The following FKBP1A variants were observed in gnomAD, a reference collection of about 807,000 sequenced individuals.
FKBP1A encodes the protein peptidyl-prolyl cis-trans isomerase FKBP1A.
FKBP1A carries 5 observed loss-of-function variants against 14.2 expected under a neutral mutation model. The ratio of observed to expected loss-of-function variants is 0.35; its 90% CI spans 0.18 to 0.74. The LOEUF (loss-of-function observed/expected upper bound fraction) is 0.74, where lower values mean the gene tolerates loss of function less well. Among genes scored for constraint, FKBP1A ranks in the 30% least tolerant of loss-of-function variants. FKBP1A has a pLI of 0.56. For synonymous variants in FKBP1A, 42 were observed against 49.1 expected, an observed-to-expected ratio of 0.86 and a Z score of 0.60; for missense variants, 53 against 138.8, an observed-to-expected ratio of 0.38 and a Z score of 3.10.
In FKBP1A at chr20:1,379,018, T is replaced by C. The variant is rs2122682834; in HGVS notation, c.86-3415A>G. Among the ~76,000 whole-genome samples the C allele has an allele frequency of 6.6e-6, 1 of 152,342 alleles. No individual in the cohort carries two copies. Among genetic ancestry groups the C allele is most frequent in the Non-Finnish European group, 1.5e-5 (1 of 68,028 alleles). The stretch of plus-strand genomic sequence containing the variant: ...TCTCATTTTTAAAAAGAATGCTGAT[T>C]GTGACCCACTACATTTATTTCATGA... On this transcript the variant is annotated intron_variant, in intron 2 of 4. Transcript: ENST00000400137. The surrounding 1 kb of genome is among the most constrained non-coding windows in gnomAD (Gnocchi z 4.3).
intron 2 of FKBP1A, among the ~76,000 whole-genome samples, chr20:1,389,365 T>C (rs554319932): frequency 6.6e-6 from 1 of 152,312 alleles, no homozygotes; most frequent in South Asian, 2.1e-4. Context: ...GGAAGCCATC[T>C]GAGGCATCTC....
intron 3 of FKBP1A, chr20:1,374,500 A>G (rs1449517407): frequency 6.6e-6 from 1 of 152,250 alleles, no homozygotes; most frequent in Non-Finnish European, 1.5e-5. Flanking sequence ...AAGATTTAAC[A>G]ATATACTGTG....
At chr20:1,370,323 A>G (rs866527061) in intron 4 of FKBP1A, 1 of 985,354 alleles carries the variant, frequency 1.0e-6, no homozygotes, top group Non-Finnish European at 1.2e-6. Context: ...TGCTGAGGAC[A>G]GCAGGAGGGC....
intron 2 of FKBP1A, chr20:1,378,407 G>C (rs1036460426): frequency 6.6e-6 from 1 of 152,348 alleles, no homozygotes; most frequent in African/African-American, 2.4e-5. Flanking sequence ...GGAGCACAGA[G>C]AATTTTTAGG....
At chr20:1,371,718 A>G in intron 4 of FKBP1A, 1 of 1,000,252 alleles carries the variant, frequency 1.0e-6, no homozygotes, top group Non-Finnish European at 1.2e-6. Context: ...GAACAAAGTC[A>G]TTCATTAAGA....
chr20:1,381,035 C>T (rs1035927908), intron 2 of FKBP1A, among the ~76,000 whole-genome samples: 1 of 152,156 alleles, frequency 6.6e-6, no homozygotes, highest in East Asian at 1.9e-4. Flanking sequence ...GGAAAGAAAT[C>T]TTTGTGACCT....
At chr20:1,385,822 T>C (rs1413782184) in intron 2 of FKBP1A, among the ~76,000 whole-genome samples, 4 of 152,230 alleles carry the variant, frequency 2.6e-5, no homozygotes, top group Admixed American at 2.6e-4. Context: ...TCTCTCTGCC[T>C]AAAATGATCT....
At chr20:1,377,220 G>C (rs2089556473) in intron 2 of FKBP1A, 1 of 152,212 alleles carries the variant, frequency 6.6e-6, no homozygotes, top group Non-Finnish European at 1.5e-5. Context: ...AAGTAGGATG[G>C]GGAGGCAGAG....
At chr20:1,372,713 T>G (rs2089484406) in intron 3 of FKBP1A, among the ~76,000 whole-genome samples, 1 of 152,238 alleles carries the variant, frequency 6.6e-6, no homozygotes, top group East Asian at 1.9e-4. Context: ...TTTTTCTATT[T>G]ATACTCTTTT....
chr20:1,371,823 A>G, intron 4 of FKBP1A: 1 of 1,166,424 alleles, frequency 8.6e-7, no homozygotes, highest in Non-Finnish European at 1.1e-6. Flanking sequence ...CTACATAGAA[A>G]AACATTTAAA....
At chr20:1,390,350 G>A (rs995367497) in intron 2 of FKBP1A, among the ~76,000 whole-genome samples, 1 of 141,322 alleles carries the variant, frequency 7.1e-6, no homozygotes, top group East Asian at 2.1e-4. Context: ...TGGCCATGGG[G>A]AGGGGGGAGG....
At chr20:1,370,340 C>A (rs771374028) in intron 4 of FKBP1A, 1 of 985,424 alleles carries the variant, frequency 1.0e-6, no homozygotes, top group Non-Finnish European at 1.2e-6. Context: ...GGGCTAGCCA[C>A]CCATGCTGCT....
At chr20:1,380,747 G>C (rs574974781) in intron 2 of FKBP1A, among the ~76,000 whole-genome samples, 2 of 152,228 alleles carry the variant, frequency 1.3e-5, no homozygotes, top group East Asian at 3.9e-4. Flanking sequence ...CATGCAAAGA[G>C]GCAGAAAACA....
chr20:1,391,758 G>T, intron 2 of FKBP1A: 2 of 183,916 alleles, frequency 1.1e-5, no homozygotes, highest in South Asian at 8.1e-4. Flanking sequence ...GAGAGGGAGT[G>T]GGAAAAAAAG....
At chr20:1,374,668 G>A (rs1454100668) in intron 3 of FKBP1A, 2 of 152,176 alleles carry the variant, frequency 1.3e-5, no homozygotes, top group African/African-American at 2.4e-5. Context: ...ATGGCAACAT[G>A]TGCACACGTG....
intron 2 of FKBP1A, among the ~76,000 whole-genome samples, chr20:1,375,914 C>G (rs2089535614): frequency 6.6e-6 from 1 of 152,142 alleles, no homozygotes; most frequent in Non-Finnish European, 1.5e-5. Context: ...CCTGACTCTC[C>G]CAGCACCCCG....
At chr20:1,383,772 G>A (rs2089642119) in intron 2 of FKBP1A, among the ~76,000 whole-genome samples, 1 of 150,626 alleles carries the variant, frequency 6.6e-6, no homozygotes, top group Non-Finnish European at 1.5e-5. Context: ...AGAGGTTTGA[G>A]GTTGCAGTGA....
rs988882195 is a variant in FKBP1A, at chr20:1,375,177, G to A, written c.198+314C>T. ...CCCAAAGTGCTGGAATTACAGGCAT[G>A]AGCCACCGCGCCCAGCCTACTCCTC... is the stretch of plus-strand genomic sequence containing the variant. On this transcript the variant is annotated intron_variant, in intron 3 of 4. Coordinates refer to ENST00000400137, the MANE Select transcript of FKBP1A (RefSeq NM_000801.5). 3 of 520,662 alleles carry A rather than the reference G, an allele frequency of 5.8e-6. No individual in the cohort carries two copies. The African/African-American group carries it at 5.9e-5, about 10-fold the overall frequency. The allele number at this position is 520,662 out of a possible 1,614,324, so 32.3% of individuals were successfully genotyped here.
At chr20:1,384,992 C>G (rs1415417960) in intron 2 of FKBP1A, among the ~76,000 whole-genome samples, 1 of 152,162 alleles carries the variant, frequency 6.6e-6, no homozygotes, top group Non-Finnish European at 1.5e-5. Flanking sequence ...AGAACACAGA[C>G]CAGAATGCAT....
Sources: allele counts gnomAD v4.1 joint callset (sites outside exome capture counted in the v4.1 genomes callset), GRCh38; gene constraint gnomAD v4.1.1; non-coding constraint Gnocchi (gnomAD v3.1); transcripts MANE v1.5; gene names NCBI Gene and HGNC (gene_info 2026-07-23, HGNC 2026-07-21).